GSAP: variants seen among roughly 807,000 people sequenced by gnomAD.
The protein encoded by GSAP is gamma-secretase activating protein.
A neutral mutation model predicts 131.7 loss-of-function variants in GSAP; 118 were observed. The ratio of observed to expected loss-of-function variants is 0.90; its 90% confidence interval spans 0.77 to 1.04. GSAP has a LOEUF of 1.04. Ranked by LOEUF, GSAP falls within the 50% of genes least tolerant of loss-of-function variation. The pLI is 0.00. For synonymous variants in GSAP, 381 were observed against 363.4 expected (o/e 1.05, Z -0.55); for missense variants, 1,019 against 1,013.2 (o/e 1.01, Z -0.08).
chr7:77,415,956 ATTTCCGCG>A (rs1204068926), intron 1 of GSAP: 3 of 374,524 alleles, frequency 8.0e-6, no homozygotes, highest in Non-Finnish European at 9.6e-6. Context: ...CCAAGGGCGA[ATTTCCGCG>A]GGCCGGCAGC....
At chr7:77,326,427 A>G in intron 22 of GSAP, 154 bp from the exon 23 acceptor site, 2 of 567,002 alleles carry the variant, frequency 3.5e-6, no homozygotes, top group South Asian at 4.6e-5. Context: ...ACCTAGTCCT[A>G]CAAGGTGAAC....
rs748853421 is a variant in GSAP at position 77,311,825 on chromosome 7, CAG to C, written c.2473+14_2473+15del. The C allele has an allele frequency of 8.5e-7, 1 of 1,182,804 alleles. No homozygotes were observed. The highest frequency in any genetic ancestry group is 2.3e-5 in the East Asian group (1 of 42,878). The allele number at this position is 1,182,804 out of a possible 1,614,324, so 73.3% of individuals were successfully genotyped here. ...GGGAAAAGTGGTAAGACCCTGAGAA[CAG>C]GGGAGTAAATTACCTTGATTGGAGG... On this transcript the variant is annotated intron_variant, in intron 30 of 30. Coordinates refer to ENST00000257626, the MANE Select transcript of GSAP (RefSeq NM_017439.4).
intron 12 of GSAP, among the ~76,000 whole-genome samples, chr7:77,371,583 T>C (rs892164115): frequency 1.3e-5 from 2 of 152,052 alleles, no homozygotes; most frequent in Non-Finnish European, 2.9e-5. Flanking sequence ...TACAGGCACG[T>C]GCCACCACAC....
rs1441178148 is a variant in GSAP at position 77,397,000 on chromosome 7, T to C, written c.349A>G (p.Arg117Gly). 7 of 1,595,594 alleles carry C rather than the reference T, an allele frequency of 4.4e-6. No homozygotes were observed. Among genetic ancestry groups the C allele is most frequent in the Non-Finnish European group, 5.1e-6 (6 of 1,166,546 alleles). The change falls in exon 5 of 31, where the codon AGG becomes GGG. Residue 117 changes from arginine (R) to glycine (G), a missense_variant. Coordinates refer to ENST00000257626, the MANE Select transcript of GSAP (RefSeq NM_017439.4). ...SLVQSTKEGK[R>G]NELQPGSKCL... ...TCATTACCTGGTTGAAGTTCGTTCC[T>C]TTTTCCTTCTTTAGTAGACTGAACT...
chr7:77,348,181 A>C (rs546631963), intron 19 of GSAP, among the ~76,000 whole-genome samples: 19 of 152,234 alleles, frequency 1.2e-4, no homozygotes, highest in African/African-American at 3.4e-4. Context: ...AAAATAAATA[A>C]ATAAAAACAC....
At chr7:77,313,387 T>C (rs1794624708) in intron 28 of GSAP, 101 bp downstream of exon 28, 1 of 657,344 alleles carries the variant, frequency 1.5e-6, no homozygotes, top group Non-Finnish European at 2.7e-6. Flanking sequence ...ACAATTCAAT[T>C]GACTTTAACC....
chr7:77,416,387 C>G, upstream of GSAP: 1 of 814,546 alleles, frequency 1.2e-6, no homozygotes, highest in Non-Finnish European at 1.8e-6. Context: ...CCCCGCGTGG[C>G]CGCCTCGCCC....
chr7:77,398,989 T>C (rs1800886203), intron 3 of GSAP, among the ~76,000 whole-genome samples: 1 of 152,234 alleles, frequency 6.6e-6, no homozygotes, highest in Non-Finnish European at 1.5e-5. Context: ...CAGTAACATT[T>C]ACAGACTTCT....
intron 5 of GSAP, among the ~76,000 whole-genome samples, chr7:77,391,572 C>T (rs1432783396): frequency 2.0e-5 from 3 of 152,106 alleles, no homozygotes; most frequent in African/African-American, 7.2e-5. Context: ...GCCTGTAATC[C>T]CAACACTTTT....
intron 3 of GSAP, among the ~76,000 whole-genome samples, chr7:77,402,970 A>G (rs2151169318): frequency 1.3e-5 from 2 of 152,280 alleles, no homozygotes; most frequent in East Asian, 3.9e-4. Flanking sequence ...CTGTACTCCT[A>G]CCACTCACAG....
rs889605380 is a variant in GSAP at position 77,416,178 on chromosome 7, C to G, written c.109+35G>C. The G allele has an allele frequency of 3.5e-6, 4 of 1,156,890 alleles. No individual in the cohort carries two copies. In the African/African-American group the frequency reaches 6.5e-5, roughly 19 times the overall value. The allele number at this position is 1,156,890 out of a possible 1,614,324, so 71.7% of individuals were successfully genotyped here. ...GGGGGTATGAGGGACTCCCACTCCC[C>G]GCCCCCACCCCTCTCCGCAGCGCGC... On this transcript the variant is annotated intron_variant, in intron 1 of 30. Coordinates refer to ENST00000257626, the MANE Select transcript of GSAP (RefSeq NM_017439.4).
chr7:77,353,976 AAAAC>A (rs1323609334), intron 16 of GSAP, among the ~76,000 whole-genome samples: 2 of 152,202 alleles, frequency 1.3e-5, no homozygotes, highest in African/African-American at 2.4e-5. Context: ...GAAAAAAAGA[AAAAC>A]AAAACCACTA....
Position 77,314,719 on chromosome 7 carries a change from T to C in GSAP, c.2090-230A>G, listed in dbSNP as rs1794784517. 1.2e-5 allele frequency: 5 copies of C among 430,290 alleles called. No individual in the cohort carries two copies. The Admixed American group carries it at 1.8e-4, about 16-fold the overall frequency. 26.7% of individuals were successfully genotyped at this position (430,290 alleles called of 1,614,324 possible). ...AAGTATACATTCCTTGCTCCTTGGG[T>C]CTCTTCCTGCACAGAAACAGAGCAA... On this transcript the variant is annotated intron_variant, in intron 26 of 30. Transcript: ENST00000257626.
In GSAP at chr7:77,397,416, C is replaced by G; in HGVS notation, c.244-1G>C. On this transcript the variant is annotated splice_acceptor_variant, in intron 3 of 30. Coordinates refer to ENST00000257626, the MANE Select transcript of GSAP (RefSeq NM_017439.4). LOFTEE classifies it high-confidence loss of function. ...AGTCTTTCTCAAAGGTATATAGAAG[C>G]TATTAAAACAAAAATATTTTTTAAT... The G allele has an allele frequency of 6.6e-7, 1 of 1,515,488 alleles. No homozygotes were observed. The highest frequency in any genetic ancestry group is 1.4e-5 in the African/African-American group (1 of 72,212). 93.9% of individuals were successfully genotyped at this position (1,515,488 alleles called of 1,614,324 possible).
intron 12 of GSAP, among the ~76,000 whole-genome samples, chr7:77,371,227 T>C (rs1004488562): frequency 6.6e-6 from 1 of 152,200 alleles, no homozygotes; most frequent in Non-Finnish European, 1.5e-5. Flanking sequence ...ACTCATTTGC[T>C]GATGCCAGAA....
chr7:77,372,079 GCTTAA>G (rs888364060), intron 12 of GSAP, among the ~76,000 whole-genome samples: 10 of 152,204 alleles, frequency 6.6e-5, no homozygotes, highest in African/African-American at 1.7e-4. Context: ...CACTAAAAAT[GCTTAA>G]CTTATGTCTA....
intron 16 of GSAP, among the ~76,000 whole-genome samples, chr7:77,354,473 T>C (rs1404730449): frequency 6.6e-6 from 1 of 152,200 alleles, no homozygotes; most frequent in Admixed American, 6.5e-5. Flanking sequence ...GCTTGCTTTG[T>C]AAGGGTCTTT....
intron 12 of GSAP, among the ~76,000 whole-genome samples, chr7:77,365,898 GTTTT>G (rs35007328): frequency 8.0e-4 from 92 of 115,594 alleles, no homozygotes; most frequent in Middle Eastern, 5.3e-3. Flanking sequence ...GCAACTGTGG[GTTTT>G]TTTTTTTTTT....
At chr7:77,404,125 C>A (rs1293060857) in intron 3 of GSAP, among the ~76,000 whole-genome samples, 4 of 152,210 alleles carry the variant, frequency 2.6e-5, no homozygotes, top group Non-Finnish European at 5.9e-5. Context: ...AAGCAGCACA[C>A]AGGGCACAAG....
Sources: allele counts gnomAD v4.1 joint callset (sites outside exome capture counted in the v4.1 genomes callset), GRCh38; gene constraint gnomAD v4.1.1; transcripts MANE v1.5; gene names NCBI Gene and HGNC (gene_info 2026-07-23, HGNC 2026-07-21).